Variants in VPS13D observed in about 807,000 individuals in gnomAD.
The protein encoded by VPS13D is vacuolar protein sorting 13 homolog D, also known as intermembrane lipid transfer protein VPS13D.
A neutral mutation model predicts 461.9 loss-of-function variants in VPS13D; 187 were observed. The observed-to-expected ratio is 0.40, with a 90% CI of 0.36 to 0.46. The LOEUF (loss-of-function observed/expected upper bound fraction) is 0.46. VPS13D is among the 20% of genes least tolerant of loss of function. The probability of loss-of-function intolerance (pLI) is 0.60; values close to 1 mark genes in which losing one functional copy is unlikely to be tolerated. For missense variants in VPS13D, 4,711 were observed against 5,364.9 expected (o/e 0.88, Z 3.81); for synonymous variants, 1,951 against 1,986.3 (o/e 0.98, Z 0.47).
chr1:12,408,579 G>T (rs1419556074), intron 63 of VPS13D, among the ~76,000 whole-genome samples: 2 of 152,152 alleles, frequency 1.3e-5, no homozygotes, highest in Non-Finnish European at 2.9e-5. Flanking sequence ...TGCCCAGGCT[G>T]GTCTCAAACT....
intron 22 of VPS13D, among the ~76,000 whole-genome samples, chr1:12,289,012 T>G (rs1373264300): frequency 6.6e-6 from 1 of 152,146 alleles, no homozygotes; most frequent in Admixed American, 6.5e-5. Context: ...CAACTAATTT[T>G]TGTATTTTTG....
At chr1:12,424,630 A>G (rs1002142789) in intron 65 of VPS13D, among the ~76,000 whole-genome samples, 1 of 152,006 alleles carries the variant, frequency 6.6e-6, no homozygotes, top group African/African-American at 2.4e-5. Context: ...CCCCTTTTCC[A>G]CCCTAATCAG....
At chr1:12,422,136 C>G (rs1461134229) in intron 65 of VPS13D, among the ~76,000 whole-genome samples, 16 of 152,128 alleles carry the variant, frequency 1.1e-4, no homozygotes, top group Admixed American at 1.0e-3. Flanking sequence ...GCCTCATCCC[C>G]TTCAGTATGT....
chr1:12,325,475 G>A (rs1557710414), intron 35 of VPS13D, among the ~76,000 whole-genome samples: 1 of 152,038 alleles, frequency 6.6e-6, no homozygotes, highest in Non-Finnish European at 1.5e-5. Flanking sequence ...GTACAGGCTG[G>A]TATTGAACTC....
At chr1:12,422,807 CA>C (rs1426746166) in intron 65 of VPS13D, among the ~76,000 whole-genome samples, 5 of 150,178 alleles carry the variant, frequency 3.3e-5, no homozygotes, top group Non-Finnish European at 7.4e-5. Context: ...CTAGAGGTGA[CA>C]GGGGTGGATC....
At chr1:12,354,319 G>A in intron 47 of VPS13D, 98 bp downstream of exon 47, 1 of 1,431,940 alleles carries the variant, frequency 7.0e-7, no homozygotes, top group Non-Finnish European at 9.4e-7. Context: ...GAGAAATTGG[G>A]GCACATATAA....
intron 27 of VPS13D, among the ~76,000 whole-genome samples, chr1:12,309,441 C>T (rs1642668754): frequency 6.6e-6 from 1 of 151,142 alleles, no homozygotes. Flanking sequence ...GATCTCTTGA[C>T]CTCGTGATCC....
At chr1:12,338,167 A>G in intron 39 of VPS13D, 64 bp from the exon 40 acceptor site, 1 of 1,425,308 alleles carries the variant, frequency 7.0e-7, no homozygotes, top group Non-Finnish European at 9.9e-7. Context: ...ATCGTTTGGA[A>G]GCAAGTCTTC....
intron 65 of VPS13D, among the ~76,000 whole-genome samples, chr1:12,444,857 G>A (rs1021028869): frequency 2.6e-5 from 4 of 152,038 alleles, no homozygotes; most frequent in Admixed American, 2.6e-4. Context: ...AGAGGTTCTG[G>A]CCAATGTTAT....
In VPS13D at chr1:12,495,695, C is replaced by T. The variant is rs1311254134; in HGVS notation, c.12663-1805C>T. On this transcript the variant is annotated intron_variant, in intron 67 of 69. Transcript: ENST00000620676. The surrounding 1 kb of genome is among the most constrained non-coding windows in gnomAD (Gnocchi z 4.0). ...TGAGACGAGTCTGAATCAAACCTTA[C>T]GTTGAAAGTGATGAGGAAGCAGACC... Among the ~76,000 whole-genome samples the T allele has an allele frequency of 2.0e-5, 3 of 152,162 alleles. No individual in the cohort carries two copies.
rs896249741 is a variant in VPS13D, at chr1:12,341,690, G to A, written c.8627-90G>A. On this transcript the variant is annotated intron_variant, in intron 40 of 69. Transcript: ENST00000620676. ...CCACCTTCAGCCCCTTTGCACAAGA[G>A]ACAAATTTGGGCACTGTCTCCAGGT... The A allele has an allele frequency of 1.7e-5, 20 of 1,160,888 alleles. No homozygotes were observed. The African/African-American group carries it at 3.1e-4, about 18-fold the overall frequency. The allele number at this position is 1,160,888 out of a possible 1,614,324, so 71.9% of individuals were successfully genotyped here. A position where few individuals can be genotyped will look rare whatever the true frequency, so the allele number is the denominator to read the frequency against.
chr1:12,501,905 G>A (rs956416963), intron 68 of VPS13D, among the ~76,000 whole-genome samples: 1 of 152,220 alleles, frequency 6.6e-6, no homozygotes, highest in Non-Finnish European at 1.5e-5. Context: ...GAGAGAAGGC[G>A]CCTGGGCAGA....
At chr1:12,409,672 C>A (rs1644698001) in intron 63 of VPS13D, among the ~76,000 whole-genome samples, 1 of 152,036 alleles carries the variant, frequency 6.6e-6, no homozygotes, top group African/African-American at 2.4e-5. Flanking sequence ...CTTGTAAACA[C>A]CTTGAAATAT....
chr1:12,361,545 G>A (rs1319346151), intron 50 of VPS13D, among the ~76,000 whole-genome samples: 3 of 150,484 alleles, frequency 2.0e-5, no homozygotes, highest in African/African-American at 7.3e-5. Context: ...ACAGGCGCCC[G>A]CCACTACGCC....
At chr1:12,341,738 A>T in intron 40 of VPS13D, 42 bp from the exon 41 acceptor site, 3 of 1,589,226 alleles carry the variant, frequency 1.9e-6, no homozygotes, top group Non-Finnish European at 2.6e-6. Context: ...TCTGCCATGC[A>T]GATAGGGGCG....
intron 65 of VPS13D, among the ~76,000 whole-genome samples, chr1:12,445,463 T>C (rs1288329537): frequency 6.6e-6 from 1 of 152,172 alleles, no homozygotes; most frequent in Non-Finnish European, 1.5e-5. Flanking sequence ...AGATGACTAA[T>C]TCAGGTTCAA....
rs139602760 is a variant in VPS13D at position 12,392,545 on chromosome 1, T to TA, written c.11634+6230dup. On this transcript the variant is annotated intron_variant, in intron 60 of 69. Coordinates refer to ENST00000620676, the MANE Select transcript of VPS13D (RefSeq NM_015378.4). ...TAAAATAATATTATTGTATAAATGT[T>TA]AAAAAAAAAAAAAAAAAAAGAAAGC... Among the ~76,000 whole-genome samples, 787 of 129,280 alleles carry TA rather than the reference T, an allele frequency of 6.1e-3. 10 individuals carry two copies. The highest frequency in any genetic ancestry group is 0.019 in the South Asian group (75 of 4,026). The allele number at this position is 129,280 out of a possible 152,430, so 84.8% of individuals were successfully genotyped here. A position where few individuals can be genotyped will look rare whatever the true frequency, so the allele number is the denominator to read the frequency against.
At chr1:12,236,132 A>G (rs1427576659) in intron 2 of VPS13D, among the ~76,000 whole-genome samples, 1 of 152,168 alleles carries the variant, frequency 6.6e-6, no homozygotes, top group Non-Finnish European at 1.5e-5. Flanking sequence ...ATGGCTTTTA[A>G]TGAACCTGTG....
chr1:12,375,851 C>A (rs958613089), intron 55 of VPS13D, among the ~76,000 whole-genome samples: 3 of 152,324 alleles, frequency 2.0e-5, no homozygotes, highest in Admixed American at 6.5e-5. Context: ...CCACCCCAAC[C>A]CCCATCCCCA....
Sources: gnomAD v4.1 joint callset for allele counts (sites outside exome capture counted in the v4.1 genomes callset) on GRCh38, gnomAD v4.1.1 for gene constraint, Gnocchi (gnomAD v3.1) non-coding constraint, MANE v1.5 for transcripts, NCBI Gene and HGNC (gene_info 2026-07-23, HGNC 2026-07-21) for gene names.